The following UGGT2 variants were observed in gnomAD, a reference collection of about 807,000 sequenced individuals.
The protein encoded by UGGT2 is UDP-glucose glycoprotein glucosyltransferase 2.
UGGT2 carries 180 observed loss-of-function variants against 192.1 expected under a neutral mutation model. That is an observed-to-expected ratio of 0.94 (90% CI 0.83 to 1.06). The LOEUF (loss-of-function observed/expected upper bound fraction) is 1.06, where lower values mean the gene tolerates loss of function less well. Among genes scored for constraint, UGGT2 ranks in the 50% least tolerant of loss-of-function variants. The pLI, the probability that UGGT2 is intolerant of heterozygous loss-of-function variation, is 0.00. For synonymous variants in UGGT2, 580 were observed against 591.0 expected, an observed-to-expected ratio of 0.98 and a Z score of 0.27; for missense variants, 1,849 against 1,795.7, an observed-to-expected ratio of 1.03 and a Z score of -0.54.
intron 4 of UGGT2, among the ~76,000 whole-genome samples, chr13:96,015,056 A>G (rs1434456070): frequency 6.6e-6 from 1 of 152,096 alleles, no homozygotes; most frequent in Non-Finnish European, 1.5e-5. Context: ...AGGTGGGCGG[A>G]TCATGAGGTC....
intron 5 of UGGT2, among the ~76,000 whole-genome samples, chr13:96,006,036 C>A (rs944627026): frequency 6.6e-6 from 1 of 152,128 alleles, no homozygotes; most frequent in African/African-American, 2.4e-5. Flanking sequence ...ACGAAAATCA[C>A]AAGATGTCCA....
At chr13:95,825,180 G>A (rs1300860474) in intron 38 of UGGT2, among the ~76,000 whole-genome samples, 1 of 152,082 alleles carries the variant, frequency 6.6e-6, no homozygotes, top group African/African-American at 2.4e-5. Context: ...TTCCCCTGTG[G>A]TGTGCACTTT....
chr13:95,989,872 C>T, intron 8 of UGGT2, 101 bp downstream of exon 8: 3 of 704,342 alleles, frequency 4.3e-6, no homozygotes, highest in Non-Finnish European at 6.7e-6. Flanking sequence ...GTCATTAATA[C>T]TGTCCATAAA....
chr13:95,845,950 C>G (rs1328158876), intron 36 of UGGT2, among the ~76,000 whole-genome samples: 1 of 145,974 alleles, frequency 6.9e-6, no homozygotes, highest in Admixed American at 6.9e-5. Context: ...ACTGGGCAGC[C>G]GGGCAGAGGG....
chr13:96,026,209 G>A (rs2052659557), intron 2 of UGGT2, among the ~76,000 whole-genome samples: 1 of 152,060 alleles, frequency 6.6e-6, no homozygotes, highest in African/African-American at 2.4e-5. Flanking sequence ...GGGCTCTAAA[G>A]TTAAAAATCA....
intron 20 of UGGT2, among the ~76,000 whole-genome samples, chr13:95,907,587 C>A (rs1029452060): frequency 1.3e-5 from 2 of 152,200 alleles, no homozygotes; most frequent in Non-Finnish European, 2.9e-5. Context: ...GCAGCCTCCG[C>A]TGGTGATACC....
chr13:95,903,080 T>C lies in UGGT2; in HGVS notation c.2296-20A>G. ...TGTTTTCTGCAAACATATTTATAGATTAAAAAGACCAGTATCATACATATC... is the reference window on the plus strand; with the variant it reads ...TGTTTTCTGCAAACATATTTATAGACTAAAAAGACCAGTATCATACATATC... On this transcript the variant is annotated intron_variant, in intron 20 of 38. Transcript: ENST00000376747. 2 of 1,596,556 alleles carry C rather than the reference T, an allele frequency of 1.3e-6. No homozygotes were observed. Among genetic ancestry groups the C allele is most frequent in the Non-Finnish European group, 1.7e-6 (2 of 1,173,660 alleles).
intron 12 of UGGT2, among the ~76,000 whole-genome samples, chr13:95,965,592 T>TGGG: frequency 1.6e-5 from 1 of 63,682 alleles, no homozygotes; most frequent in Non-Finnish European, 2.9e-5. Context: ...GGGTCTGTTG[T>TGGG]GGGGTGGGGG....
At chr13:95,858,622 C>T (rs1008499818) in intron 33 of UGGT2, among the ~76,000 whole-genome samples, 6 of 152,176 alleles carry the variant, frequency 3.9e-5, no homozygotes, top group Non-Finnish European at 8.8e-5. Flanking sequence ...TCCCCGGACC[C>T]TACCCTAAGC....
chr13:95,813,579 GA>G (rs1038491092), intron 38 of UGGT2, among the ~76,000 whole-genome samples: 1 of 152,190 alleles, frequency 6.6e-6, no homozygotes, highest in African/African-American at 2.4e-5. Flanking sequence ...TGTAAAAGTG[GA>G]AAATTTGCAG....
At chr13:95,999,091 C>A in intron 6 of UGGT2, 120 bp downstream of exon 6, 1 of 582,658 alleles carries the variant, frequency 1.7e-6, no homozygotes, top group Non-Finnish European at 2.9e-6. Context: ...AATATGTCCA[C>A]CCCATCTCTA....
intron 5 of UGGT2, among the ~76,000 whole-genome samples, chr13:96,002,850 G>A (rs1270780759): frequency 2.6e-5 from 4 of 152,176 alleles, no homozygotes; most frequent in African/African-American, 7.2e-5. Flanking sequence ...CAGAATAACT[G>A]TAGAATGATG....
intron 5 of UGGT2, 29 bp from the exon 6 acceptor site, chr13:95,999,336 G>A (rs2051724000): frequency 6.3e-7 from 1 of 1,597,834 alleles, no homozygotes; most frequent in African/African-American, 1.3e-5. Flanking sequence ...TTTATAAAAA[G>A]CGAAAAGAGT....
intron 2 of UGGT2, among the ~76,000 whole-genome samples, chr13:96,025,367 C>G (rs2052632772): frequency 6.6e-6 from 1 of 152,144 alleles, no homozygotes; most frequent in South Asian, 2.1e-4. Flanking sequence ...GGCAATGAGT[C>G]ATCTTAATTT....
Position 95,856,272 on chromosome 13 carries a change from A to G in UGGT2, c.3894T>C (p.Arg1298=), listed in dbSNP as rs74930303. 291 of 1,613,744 alleles carry G rather than the reference A, an allele frequency of 1.8e-4. 2 individuals are homozygous for G. In the East Asian group the frequency reaches 6.0e-3, roughly 34 times the overall value. The stretch of plus-strand genomic sequence containing the variant: ...GTCTTTCAGTCTGTTGACGAAGCCA[A>G]CGGGGCCACCTATATTGAACTAGTT... The part of the protein sequence containing the change: ...RYELVQYRWP[R]WLRQQTERQR... Residue 1298 remains arginine, a synonymous_variant, in exon 34 of 39, where the codon CGT becomes CGC. Transcript: ENST00000376747.
intron 37 of UGGT2, among the ~76,000 whole-genome samples, chr13:95,836,485 C>T (rs1007474377): frequency 2.0e-5 from 3 of 152,192 alleles, no homozygotes; most frequent in Non-Finnish European, 4.4e-5. Flanking sequence ...CAGGATGGTT[C>T]TCACCATTCC....
chr13:95,842,458 C>CT (rs1759844854), intron 36 of UGGT2, among the ~76,000 whole-genome samples: 1 of 152,092 alleles, frequency 6.6e-6, no homozygotes, highest in African/African-American at 2.4e-5. Flanking sequence ...TATACCATAT[C>CT]TTTTTATCTA....
intron 13 of UGGT2, 116 bp from the exon 14 acceptor site, chr13:95,948,197 A>C (rs2140601073): frequency 1.7e-6 from 1 of 587,792 alleles, no homozygotes; most frequent in Non-Finnish European, 3.0e-6. Context: ...TTTTTAAAGA[A>C]ATTCTAGCAA....
intron 26 of UGGT2, among the ~76,000 whole-genome samples, chr13:95,887,057 T>A (rs1246606662): frequency 6.6e-6 from 1 of 151,554 alleles, no homozygotes; most frequent in African/African-American, 2.4e-5. Context: ...CCAAAAAAAA[T>A]AAAAATAAAA....
Sources: gnomAD v4.1 joint callset for allele counts (sites outside exome capture counted in the v4.1 genomes callset) on GRCh38, gnomAD v4.1.1 for gene constraint, MANE v1.5 for transcripts, NCBI Gene and HGNC (gene_info 2026-07-23, HGNC 2026-07-21) for gene names.